WWOX: variants seen among roughly 807,000 people sequenced by gnomAD.
WWOX encodes the protein WW domain-containing oxidoreductase.
In WWOX, 69 loss-of-function variants were observed where a neutral mutation model predicts 46.2. That is an observed-to-expected ratio of 1.49 (90% CI 1.23 to 1.82). The LOEUF (loss-of-function observed/expected upper bound fraction) is 1.82. Ranked by LOEUF, WWOX falls within the 40% of genes most tolerant of loss-of-function variation. The pLI is 0.00. For missense variants in WWOX, 919 were observed against 542.6 expected, an observed-to-expected ratio of 1.69 and a Z score of -6.89; for synonymous variants, 359 against 202.6, an observed-to-expected ratio of 1.77 and a Z score of -6.56.
chr16:78,736,535 C>A (rs2049095923), intron 8 of WWOX, among the ~76,000 whole-genome samples: 1 of 152,104 alleles, frequency 6.6e-6, no homozygotes, highest in Admixed American at 6.6e-5. Flanking sequence ...CATGAGTATC[C>A]ATGGCACACA....
chr16:79,103,673 T>C (rs567947224), intron 8 of WWOX, among the ~76,000 whole-genome samples: 33 of 152,224 alleles, frequency 2.2e-4, no homozygotes, highest in Non-Finnish European at 4.1e-4. Flanking sequence ...ATCCAGTCCA[T>C]GCATATTAGC....
At chr16:78,565,101 T>G (rs993152144) in intron 8 of WWOX, among the ~76,000 whole-genome samples, 1 of 152,216 alleles carries the variant, frequency 6.6e-6, no homozygotes, top group African/African-American at 2.4e-5. Flanking sequence ...TGTCCATTCA[T>G]TCATTCATCA....
chr16:78,376,906 T>C (rs1358683823), intron 5 of WWOX, among the ~76,000 whole-genome samples: 3 of 152,246 alleles, frequency 2.0e-5, no homozygotes, highest in African/African-American at 7.2e-5. Flanking sequence ...CCGTGTGGAA[T>C]GTAAAATCCT....
chr16:78,898,363 C>G (rs868117127), intron 8 of WWOX: 3 of 152,130 alleles, frequency 2.0e-5, no homozygotes, highest in African/African-American at 7.2e-5. Flanking sequence ...CTCCATAAGA[C>G]TCTCCAATTG....
chr16:78,603,998 G>T (rs114306432), intron 8 of WWOX, among the ~76,000 whole-genome samples: 2,134 of 152,170 alleles, frequency 0.014, 50 homozygotes, highest in African/African-American at 0.049. Flanking sequence ...AAGAAAATTA[G>T]TTGGCCATGG....
intron 8 of WWOX, among the ~76,000 whole-genome samples, chr16:78,462,170 T>A (rs1435680938): frequency 6.6e-6 from 1 of 152,196 alleles, no homozygotes; most frequent in Non-Finnish European, 1.5e-5. Flanking sequence ...AAAAGGTAAT[T>A]TAAGCAACTT....
intron 5 of WWOX, among the ~76,000 whole-genome samples, chr16:78,324,967 A>G (rs1301052103): frequency 6.6e-6 from 1 of 152,214 alleles, no homozygotes; most frequent in East Asian, 1.9e-4. Flanking sequence ...GAAAGTGTCA[A>G]TTAATCTTTG....
At chr16:78,843,375 G>A (rs917558845) in intron 8 of WWOX, among the ~76,000 whole-genome samples, 6 of 150,024 alleles carry the variant, frequency 4.0e-5, no homozygotes, top group African/African-American at 1.5e-4. Context: ...GATTATTGTG[G>A]TGCCTGTTTT....
intron 8 of WWOX, among the ~76,000 whole-genome samples, chr16:78,952,378 TTTTGAG>T (rs2046078367): frequency 6.8e-6 from 1 of 146,186 alleles, no homozygotes; most frequent in Non-Finnish European, 1.5e-5. Context: ...TTTTTTTGTT[TTTTGAG>T]TTTTTTTTTT....
chr16:78,300,485 C>G (rs1408280303), intron 5 of WWOX, among the ~76,000 whole-genome samples: 1 of 151,544 alleles, frequency 6.6e-6, no homozygotes, highest in Non-Finnish European at 1.5e-5. Flanking sequence ...CATGCCTGTC[C>G]TCCCTCCCTC....
In WWOX at chr16:78,115,398, G is replaced by C. The variant is rs143607934; in HGVS notation, c.409+244G>C. ...TCAGCAAAAGACTGTGGCTATTTTG[G>C]TATTCAGGGATGAGAGACAACAGGC... On this transcript the variant is annotated intron_variant, in intron 4 of 8. Transcript: ENST00000566780. 5.9e-3 allele frequency among the ~76,000 whole-genome samples: 897 copies of C among 152,266 alleles called. 9 individuals are homozygous for C. The highest frequency in any genetic ancestry group is 0.021 in the African/African-American group (869 of 41,528).
chr16:78,842,328 TA>T (rs34346754), intron 8 of WWOX, among the ~76,000 whole-genome samples: 19,679 of 118,220 alleles, frequency 0.17, 1,389 homozygotes, highest in Non-Finnish European at 0.19. Flanking sequence ...ACCCCATCTC[TA>T]AAAAAAAAAA....
intron 5 of WWOX, among the ~76,000 whole-genome samples, chr16:78,324,255 TCA>T (rs2080558224): frequency 6.6e-6 from 1 of 152,116 alleles, no homozygotes; most frequent in Admixed American, 6.6e-5. Flanking sequence ...ACTGCTCAAC[TCA>T]CAGTTGAAAT....
In WWOX at chr16:78,337,888, G is replaced by A. The variant is rs565635204; in HGVS notation, c.517-48972G>A. Among the ~76,000 whole-genome samples, 17 of 119,876 alleles carry A rather than the reference G, an allele frequency of 1.4e-4. 2 individuals are homozygous for A. In the South Asian group the frequency reaches 2.8e-3, roughly 20 times the overall value. 78.6% of individuals were successfully genotyped at this position (119,876 alleles called of 152,430 possible). A position where few individuals can be genotyped will look rare whatever the true frequency, so the allele number is the denominator to read the frequency against. The stretch of plus-strand genomic sequence containing the variant: ...TCAGTGGTAGAGCTGATGTAGAAGC[G>A]CCCTCTCTGTTCCTGGCAGTGCCTG... On this transcript the variant is annotated intron_variant, in intron 5 of 8. Coordinates refer to ENST00000566780, the MANE Select transcript of WWOX (RefSeq NM_016373.4).
At chr16:78,150,141 C>G (rs907230622) in intron 4 of WWOX, among the ~76,000 whole-genome samples, 2 of 152,178 alleles carry the variant, frequency 1.3e-5, no homozygotes, top group Non-Finnish European at 2.9e-5. Context: ...TTCCCACGAC[C>G]ATCTCCTCAG....
chr16:79,101,881 T>A (rs2049203826), intron 8 of WWOX: 1 of 150,062 alleles, frequency 6.7e-6, no homozygotes, highest in Non-Finnish European at 1.5e-5. Flanking sequence ...TTGGAGAGAG[T>A]GGAAGGCTTT....
intron 8 of WWOX, among the ~76,000 whole-genome samples, chr16:78,954,864 A>C (rs2046132980): frequency 6.6e-6 from 1 of 151,876 alleles, no homozygotes; most frequent in Non-Finnish European, 1.5e-5. Context: ...ATTGTAGCTC[A>C]CTCCAGTCTT....
chr16:79,051,213 G>A (rs1170257254), intron 8 of WWOX, among the ~76,000 whole-genome samples: 1 of 152,224 alleles, frequency 6.6e-6, no homozygotes. Flanking sequence ...GAGGAGTAAA[G>A]TGTTGCCTTG....
At chr16:79,058,386 T>TAC (rs1397161670) in intron 8 of WWOX, among the ~76,000 whole-genome samples, 3 of 85,306 alleles carry the variant, frequency 3.5e-5, no homozygotes, top group Non-Finnish European at 4.6e-5. Context: ...TCTGGATAAA[T>TAC]ATACTTTTGA....
Sources: allele counts gnomAD v4.1 joint callset (sites outside exome capture counted in the v4.1 genomes callset), GRCh38; gene constraint gnomAD v4.1.1; transcripts MANE v1.5; gene names NCBI Gene and HGNC (gene_info 2026-07-23, HGNC 2026-07-21).